The following PID1 variants were observed in gnomAD, a reference collection of about 807,000 sequenced individuals.
PID1 encodes the protein PTB-containing, cubilin and LRP1-interacting protein.
In PID1, 10 loss-of-function variants were observed where a neutral mutation model predicts 19.1. The ratio of observed to expected loss-of-function variants is 0.52; its 90% CI spans 0.32 to 0.89. The LOEUF (loss-of-function observed/expected upper bound fraction) is 0.89. PID1 is among the 40% of genes least tolerant of loss of function. The pLI is 0.03. For missense variants in PID1, 248 were observed against 285.3 expected (o/e 0.87, Z 0.94); for synonymous variants, 130 against 116.0 (o/e 1.12, Z -0.78).
At chr2:229,073,362 G>C (rs935697548) in intron 2 of PID1, among the ~76,000 whole-genome samples, 11 of 152,162 alleles carry the variant, frequency 7.2e-5, no homozygotes, top group African/African-American at 2.7e-4. Flanking sequence ...TGACCAACTA[G>C]CAACAGGTAA....
At chr2:229,120,480 G>A (rs1358374434) in intron 2 of PID1, among the ~76,000 whole-genome samples, 5 of 151,994 alleles carry the variant, frequency 3.3e-5, no homozygotes, top group Non-Finnish European at 7.4e-5. Flanking sequence ...CTGAGGCAGA[G>A]GAAGAAGAGG....
In PID1 at chr2:229,123,583, T is replaced by C. The variant is rs138146216; in HGVS notation, c.177+32235A>G. Among the ~76,000 whole-genome samples the C allele has an allele frequency of 1.7e-3, 264 of 152,362 alleles. 2 individuals are homozygous for C. The highest frequency in any genetic ancestry group is 6.0e-3 in the African/African-American group (248 of 41,592). On this transcript the variant is annotated intron_variant, in intron 2 of 2. Transcript: ENST00000392055. ...TGATACGGTAACTCCAGTTTAACTA[T>C]TTAAGGAATTACCACGGTGTTTTCC...
chr2:229,219,200 C>T (rs919843230), intron 1 of PID1, among the ~76,000 whole-genome samples: 1 of 152,226 alleles, frequency 6.6e-6, no homozygotes, highest in East Asian at 1.9e-4. Context: ...TCCATTCTCA[C>T]ACTGCTAATA....
rs1276461864 is a variant in PID1 at position 229,216,133 on chromosome 2, A to G, written c.30+54881T>C. ...AGGGCTCTCGGAAGGTGAAGCTGTC[A>G]ATACTTGGCCTTGTGATTCCACTGG... On this transcript the variant is annotated intron_variant, in intron 1 of 2. Coordinates refer to ENST00000392055, the MANE Select transcript of PID1 (RefSeq NM_001100818.2). Among the ~76,000 whole-genome samples, 4 of 152,194 alleles carry G rather than the reference A, an allele frequency of 2.6e-5. No individual in the cohort carries two copies. The East Asian group carries it at 7.7e-4, about 29-fold the overall frequency.
chr2:229,035,188 T>C (rs534521949), intron 2 of PID1, among the ~76,000 whole-genome samples: 17 of 152,302 alleles, frequency 1.1e-4, no homozygotes, highest in Non-Finnish European at 2.4e-4. Flanking sequence ...TTTAAATCAA[T>C]AGACTACGAA....
At chr2:229,206,308 T>C (rs957118296) in intron 1 of PID1, among the ~76,000 whole-genome samples, 17 of 151,724 alleles carry the variant, frequency 1.1e-4, no homozygotes, top group Non-Finnish European at 2.2e-4. Context: ...AATGGTTAAT[T>C]TTTATTTTTA....
At chr2:229,156,111 G>A in intron 1 of PID1, 147 bp from the exon 2 acceptor site, 2 of 662,350 alleles carry the variant, frequency 3.0e-6, no homozygotes, top group South Asian at 1.9e-5. Flanking sequence ...CAGAGGAGGG[G>A]GAACTGTGTC....
chr2:229,075,187 G>A (rs566784355), intron 2 of PID1, among the ~76,000 whole-genome samples: 11 of 152,248 alleles, frequency 7.2e-5, no homozygotes, highest in African/African-American at 1.9e-4. Flanking sequence ...GGAACGTAAC[G>A]CATAATGCTA....
intron 1 of PID1, among the ~76,000 whole-genome samples, chr2:229,270,550 C>T (rs548636203): frequency 7.3e-5 from 11 of 151,464 alleles, no homozygotes; most frequent in African/African-American, 2.4e-4. Flanking sequence ...AAGTAGCATA[C>T]CATGACCAAG....
At chr2:229,173,439 T>C (rs1244879723) in intron 1 of PID1, among the ~76,000 whole-genome samples, 1 of 152,212 alleles carries the variant, frequency 6.6e-6, no homozygotes, top group Non-Finnish European at 1.5e-5. Context: ...TTACCTGCTC[T>C]GATCTATTTT....
chr2:229,197,094 A>C (rs2106236825), intron 1 of PID1, among the ~76,000 whole-genome samples: 1 of 152,218 alleles, frequency 6.6e-6, no homozygotes, highest in African/African-American at 2.4e-5. Context: ...CAGATAACAT[A>C]CTATCAAAAT....
intron 2 of PID1, among the ~76,000 whole-genome samples, chr2:229,139,031 GAAAGAA>G (rs1689927810): frequency 2.9e-5 from 2 of 68,764 alleles, no homozygotes; most frequent in African/African-American, 1.1e-4. Context: ...AAGAAAGAAA[GAAAGAA>G]AGAGAAAGAA....
chr2:229,246,829 C>G (rs1201617696), intron 1 of PID1, among the ~76,000 whole-genome samples: 1 of 152,128 alleles, frequency 6.6e-6, no homozygotes, highest in South Asian at 2.1e-4. Flanking sequence ...TTGGTCAGCA[C>G]AAGAAGTCGC....
chr2:229,139,645 T>C (rs1254627057), intron 2 of PID1, among the ~76,000 whole-genome samples: 2 of 152,182 alleles, frequency 1.3e-5, no homozygotes, highest in African/African-American at 4.8e-5. Context: ...CCCTAGCTAA[T>C]GAACCATCTT....
chr2:229,068,442 AAC>A (rs1451603504), intron 2 of PID1, among the ~76,000 whole-genome samples: 1 of 878 alleles, frequency 1.1e-3, no homozygotes, highest in African/African-American at 3.7e-3. Context: ...GTTTGTCTTC[AAC>A]AAAAAAAAAA....
chr2:229,037,053 A>G (rs999537960), intron 2 of PID1, among the ~76,000 whole-genome samples: 7 of 152,198 alleles, frequency 4.6e-5, no homozygotes, highest in Admixed American at 4.6e-4. Flanking sequence ...AAACATGCCG[A>G]TTTTATAAAG....
intron 2 of PID1, among the ~76,000 whole-genome samples, chr2:229,115,568 C>A (rs992084116): frequency 3.9e-5 from 6 of 152,120 alleles, no homozygotes; most frequent in Non-Finnish European, 7.3e-5. Flanking sequence ...TGGTTTGAAT[C>A]CCTCAAGTAG....
intron 2 of PID1, among the ~76,000 whole-genome samples, chr2:229,074,433 A>G (rs1420994044): frequency 6.6e-6 from 1 of 152,226 alleles, no homozygotes; most frequent in Non-Finnish European, 1.5e-5. Flanking sequence ...AAGGGAGAAC[A>G]AGTCAACTAA....
intron 1 of PID1, among the ~76,000 whole-genome samples, chr2:229,210,046 A>T (rs1691692831): frequency 6.6e-6 from 1 of 152,136 alleles, no homozygotes; most frequent in Admixed American, 6.5e-5. Context: ...ACTTTTTATA[A>T]AGCCCGCTTC....
Sources: gnomAD v4.1 joint callset for allele counts (sites outside exome capture counted in the v4.1 genomes callset) on GRCh38, gnomAD v4.1.1 for gene constraint, MANE v1.5 for transcripts, NCBI Gene and HGNC (gene_info 2026-07-23, HGNC 2026-07-21) for gene names.